CEP112: variants seen among roughly 807,000 people sequenced by gnomAD.
CEP112 encodes the protein centrosomal protein of 112 kDa.
Under a neutral mutation model 153.0 loss-of-function variants are expected in CEP112, and 127 were observed. The ratio of observed to expected loss-of-function variants is 0.83; its 90% CI spans 0.72 to 0.96. The LOEUF (loss-of-function observed/expected upper bound fraction) is 0.96, where lower values mean the gene tolerates loss of function less well. CEP112 is among the 40% of genes least tolerant of loss of function. The probability of loss-of-function intolerance (pLI) is 0.00; values close to 1 mark genes in which losing one functional copy is unlikely to be tolerated. For synonymous variants in CEP112, 358 were observed against 374.4 expected, an observed-to-expected ratio of 0.96 and a Z score of 0.51; for missense variants, 1,089 against 1,101.2, an observed-to-expected ratio of 0.99 and a Z score of 0.16.
chr17:65,762,279 A>G (rs2052660734), intron 21 of CEP112, among the ~76,000 whole-genome samples: 1 of 151,982 alleles, frequency 6.6e-6, no homozygotes, highest in Non-Finnish European at 1.5e-5. Flanking sequence ...TTAGTATGGT[A>G]TATATTTTTT....
intron 20 of CEP112, among the ~76,000 whole-genome samples, chr17:65,891,638 C>A (rs2059471271): frequency 6.6e-6 from 1 of 152,260 alleles, no homozygotes; most frequent in South Asian, 2.1e-4. Flanking sequence ...AAACATGAAT[C>A]AAATCATGTC....
intron 19 of CEP112, among the ~76,000 whole-genome samples, chr17:65,904,819 CT>C (rs2143641645): frequency 6.6e-6 from 1 of 152,274 alleles, no homozygotes; most frequent in African/African-American, 2.4e-5. Context: ...ATCATCTGAT[CT>C]TTGACAAACC....
chr17:65,850,147 C>A (rs2057874654), intron 21 of CEP112, among the ~76,000 whole-genome samples: 1 of 118,742 alleles, frequency 8.4e-6, no homozygotes, highest in Non-Finnish European at 1.6e-5. Flanking sequence ...GAGTGAGACT[C>A]TGTCTCAAAA....
At chr17:65,995,853 C>T (rs1373736367) in intron 17 of CEP112, among the ~76,000 whole-genome samples, 2 of 152,096 alleles carry the variant, frequency 1.3e-5, no homozygotes, top group African/African-American at 4.8e-5. Flanking sequence ...ATAAGTCTCA[C>T]GAGATCTGAT....
At chr17:66,161,303 T>C (rs1026867562) in intron 4 of CEP112, among the ~76,000 whole-genome samples, 2 of 152,142 alleles carry the variant, frequency 1.3e-5, no homozygotes, top group South Asian at 4.1e-4. Flanking sequence ...GAACCAGAAA[T>C]ACCATTTGAC....
chr17:65,643,735 C>G (rs1383503780), intron 24 of CEP112, among the ~76,000 whole-genome samples: 1 of 152,234 alleles, frequency 6.6e-6, no homozygotes, highest in Non-Finnish European at 1.5e-5. Flanking sequence ...GTTTCATCCA[C>G]TTCTTCTGAG....
intron 20 of CEP112, among the ~76,000 whole-genome samples, 153 bp downstream of exon 20, chr17:65,901,987 GGGGGGGGGGGGT>G (rs2059870507): frequency 4.6e-5 from 2 of 43,070 alleles, no homozygotes; most frequent in African/African-American, 1.7e-4. Flanking sequence ...CCAAAACGGG[GGGGGGGGGGGGT>G]GGGGGGGAGA....
intron 6 of CEP112, among the ~76,000 whole-genome samples, chr17:66,115,392 T>C (rs1417577091): frequency 5.3e-5 from 8 of 152,204 alleles, no homozygotes. Flanking sequence ...ACTACAACCA[T>C]TTTATTTAGC....
chr17:66,073,089 T>C (rs2067360930), intron 8 of CEP112, among the ~76,000 whole-genome samples: 1 of 152,244 alleles, frequency 6.6e-6, no homozygotes, highest in South Asian at 2.1e-4. Flanking sequence ...CATCAGAATA[T>C]ACATTATCAA....
chr17:65,836,441 T>A (rs2057309849), intron 21 of CEP112, among the ~76,000 whole-genome samples: 1 of 152,116 alleles, frequency 6.6e-6, no homozygotes, highest in Non-Finnish European at 1.5e-5. Context: ...AGTGAAGAGA[T>A]AGAAAAGGAT....
chr17:65,706,789 GC>G (rs1166840107), intron 23 of CEP112, among the ~76,000 whole-genome samples: 1 of 152,124 alleles, frequency 6.6e-6, no homozygotes, highest in African/African-American at 2.4e-5. Flanking sequence ...TATGGCTATT[GC>G]CCTTGTCTCT....
chr17:65,901,213 C>T (rs1219267724), intron 20 of CEP112, among the ~76,000 whole-genome samples: 1 of 152,088 alleles, frequency 6.6e-6, no homozygotes, highest in Admixed American at 6.5e-5. Context: ...AGAATAACTA[C>T]AGGAAGAAGC....
At chr17:66,130,382 G>A (rs1293261409) in intron 5 of CEP112, among the ~76,000 whole-genome samples, 1 of 152,068 alleles carries the variant, frequency 6.6e-6, no homozygotes, top group African/African-American at 2.4e-5. Flanking sequence ...TAGTTAACAG[G>A]GAAGTTTTGT....
At chr17:65,923,956 C>T (rs1251545744) in intron 19 of CEP112, among the ~76,000 whole-genome samples, 1 of 151,984 alleles carries the variant, frequency 6.6e-6, no homozygotes, top group Non-Finnish European at 1.5e-5. Flanking sequence ...ATATAGTATT[C>T]CACAGTAGGT....
intron 21 of CEP112, among the ~76,000 whole-genome samples, chr17:65,800,108 C>A (rs2055176117): frequency 6.6e-6 from 1 of 152,136 alleles, no homozygotes; most frequent in Non-Finnish European, 1.5e-5. Context: ...CCATAGCCAT[C>A]TCTTTAAAAA....
chr17:65,829,383 T>C (rs1448522859), intron 21 of CEP112, among the ~76,000 whole-genome samples: 1 of 152,134 alleles, frequency 6.6e-6, no homozygotes, highest in East Asian at 1.9e-4. Context: ...CAGACCTGAC[T>C]CTCAACACAG....
At chr17:65,934,343 T>G (rs2144314219) in intron 18 of CEP112, among the ~76,000 whole-genome samples, 1 of 152,316 alleles carries the variant, frequency 6.6e-6, no homozygotes, top group East Asian at 1.9e-4. Context: ...AGATGTTTTA[T>G]GTAAGTTGCA....
chr17:66,135,693 T>A (rs897781064), intron 4 of CEP112, among the ~76,000 whole-genome samples: 3 of 152,172 alleles, frequency 2.0e-5, no homozygotes, highest in Admixed American at 6.5e-5. Flanking sequence ...ACTAGGAGAA[T>A]ATAAATTTTC....
chr17:65,915,888 G>C (rs2060462493), intron 19 of CEP112, among the ~76,000 whole-genome samples: 1 of 151,536 alleles, frequency 6.6e-6, no homozygotes, highest in Non-Finnish European at 1.5e-5. Flanking sequence ...CTCCCACCAT[G>C]GTCCATAGGA....
Sources: gnomAD v4.1 joint callset for allele counts (sites outside exome capture counted in the v4.1 genomes callset) on GRCh38, gnomAD v4.1.1 for gene constraint, MANE v1.5 for transcripts, NCBI Gene and HGNC (gene_info 2026-07-23, HGNC 2026-07-21) for gene names.